Variants in IL13RA1 observed in about 807,000 individuals in gnomAD.
IL13RA1 encodes the protein interleukin 13 receptor subunit alpha 1.
In IL13RA1, 14 loss-of-function variants were observed where a neutral mutation model predicts 33.8. The observed-to-expected ratio is 0.41, with a 90% confidence interval of 0.27 to 0.65. IL13RA1 has a LOEUF of 0.65. Ranked by LOEUF, IL13RA1 falls within the 30% of genes least tolerant of loss-of-function variation. IL13RA1 has a pLI of 0.28. For missense variants in IL13RA1, 313 were observed against 327.0 expected (o/e 0.96, Z 0.33); for synonymous variants, 116 against 115.7 (o/e 1.00, Z -0.02).
chrX:118,727,663 G>C lies in IL13RA1; in HGVS notation c.25G>C (p.Gly9Arg). Reference protein sequence around the residue: MEWPARLCGLWALLLCAGG... With the variant: MEWPARLCRLWALLLCAGG... Reference sequence around the variant, plus strand: ...CATGGAGTGGCCGGCGCGGCTCTGCGGGCTGTGGGCGCTGCTGCTCTGCGC... The same window carrying C: ...CATGGAGTGGCCGGCGCGGCTCTGCCGGCTGTGGGCGCTGCTGCTCTGCGC... Residue 9 changes from glycine (G) to arginine (R), a missense_variant, in exon 1 of 11, where the codon GGG becomes CGG. Transcript: ENST00000371666. The C allele has an allele frequency of 1.1e-6, 1 of 921,253 alleles. No homozygotes were observed. The allele number at this position is 921,253 out of a possible 1,213,427, so 75.9% of individuals were successfully genotyped here.
At chrX:118,751,441 G>C (rs1359805880) in intron 4 of IL13RA1, among the ~76,000 whole-genome samples, 2 of 111,828 alleles carry the variant, frequency 1.8e-5, no homozygotes, top group South Asian at 3.7e-4. Flanking sequence ...AATTAAGTAA[G>C]ACAGTGTATG....
At chrX:118,769,355 G>T (rs1193321263) in intron 8 of IL13RA1, among the ~76,000 whole-genome samples, 2 of 112,558 alleles carry the variant, frequency 1.8e-5, no homozygotes, top group Non-Finnish European at 3.8e-5. Context: ...ATTGGACAGT[G>T]GAACTGGAAT....
At chrX:118,804,528 C>T in the IL13RA1 span, among the ~76,000 whole-genome samples, 3 of 110,941 alleles carry the variant, frequency 2.7e-5, no homozygotes, top group East Asian at 5.7e-4. Context: ...ATGATAAGGA[C>T]CAATATAAAC....
chrX:118,759,432 G>A (rs1236593101), intron 5 of IL13RA1, among the ~76,000 whole-genome samples: 2 of 112,167 alleles, frequency 1.8e-5, no homozygotes. Context: ...TCAGATTCTG[G>A]CTTAGATAGT....
At chrX:118,766,647 ATGAGC>A (rs2017652427) in intron 7 of IL13RA1, 70 bp downstream of exon 7, 7 of 652,691 alleles carry the variant, frequency 1.1e-5, no homozygotes, top group Non-Finnish European at 1.7e-5. Context: ...TAGCCTAAAT[ATGAGC>A]TGCTTTGAGA....
chrX:118,735,302 C>A (rs1004944316), intron 1 of IL13RA1, among the ~76,000 whole-genome samples: 8 of 110,388 alleles, frequency 7.2e-5, no homozygotes, highest in Non-Finnish European at 1.1e-4. Flanking sequence ...TTTCTATTCC[C>A]TTTTTCTTTT....
intron 6 of IL13RA1, among the ~76,000 whole-genome samples, chrX:118,764,600 A>G (rs952245367): frequency 2.7e-5 from 3 of 111,561 alleles, no homozygotes; most frequent in Non-Finnish European, 5.6e-5. Context: ...TTGAATGTCA[A>G]AAATAATATC....
chrX:118,747,486 G>A (rs181005000), intron 3 of IL13RA1, among the ~76,000 whole-genome samples: 1 of 110,968 alleles, frequency 9.0e-6, no homozygotes. Context: ...AAGGAACTGC[G>A]TGACTTGCTG....
intron 3 of IL13RA1, among the ~76,000 whole-genome samples, chrX:118,748,291 A>G (rs2017432435): frequency 9.7e-6 from 1 of 102,683 alleles, no homozygotes; most frequent in African/African-American, 3.6e-5. Flanking sequence ...TTGTAAAATT[A>G]TAAAATTCAG....
intron 3 of IL13RA1, among the ~76,000 whole-genome samples, chrX:118,748,160 C>G (rs983762736): frequency 1.3e-4 from 13 of 100,225 alleles, no homozygotes; most frequent in African/African-American, 4.7e-4. Context: ...ATTATGTTGT[C>G]CCTTGGTTGG....
chrX:118,743,593 G>A (rs911119005), intron 2 of IL13RA1, among the ~76,000 whole-genome samples: 1 of 111,841 alleles, frequency 8.9e-6, no homozygotes, highest in African/African-American at 3.3e-5. Context: ...AAAAGGCCAG[G>A]CATCCAAATA....
In IL13RA1 at chrX:118,749,659, T is replaced by G; in HGVS notation, c.369T>G (p.Gly123=). 1.7e-6 allele frequency: 2 copies of G among 1,208,039 alleles called. No individual in the cohort carries two copies. Among genetic ancestry groups the G allele is most frequent in the Non-Finnish European group, 2.2e-6 (2 of 892,099 alleles). The change falls in exon 4 of 11, where the codon GGT becomes GGG. Residue 123 remains glycine (G), a splice_region_variant and synonymous_variant. Transcript: ENST00000371666. The part of the protein sequence containing the change: ...LVEKCISPPE[G]DPESAVTELQ... ...AAACTCTTGGCCTGGATATTCTAGG[T>G]GATCCTGAGTCTGCTGTGACTGAGC...
At chrX:118,749,627 G>C (rs757533947) in intron 3 of IL13RA1, 31 bp from the exon 4 acceptor site, 29 of 1,192,745 alleles carry the variant, frequency 2.4e-5, no homozygotes, top group Non-Finnish European at 2.3e-6. Context: ...AAGGAAAGAA[G>C]GGTCTTAAAC....
At chrX:118,788,839 A>G (rs999359704) in intron 10 of IL13RA1, among the ~76,000 whole-genome samples, 1 of 111,909 alleles carries the variant, frequency 8.9e-6, no homozygotes, top group Admixed American at 9.5e-5. Context: ...GGGAGGGTAT[A>G]TGTATTTTAA....
In IL13RA1 at chrX:118,746,096, T is replaced by C. The variant is rs944959789; in HGVS notation, c.229-858T>C. On this transcript the variant is annotated intron_variant, in intron 2 of 10. Transcript: ENST00000371666. ...TCTCTCTTCAGCCCTCAGGCCCTCC[T>C]CCTTTACTTCCTTACCCAGAAGTAA... 5.5e-5 allele frequency among the ~76,000 whole-genome samples: 6 copies of C among 109,182 alleles called. No homozygotes were observed. The Admixed American group carries it at 6.0e-4, about 11-fold the overall frequency. 94.8% of individuals were successfully genotyped at this position (109,182 alleles called of 115,157 possible).
intron 3 of IL13RA1, 110 bp from the exon 4 acceptor site, chrX:118,749,548 T>C: frequency 1.3e-6 from 1 of 764,974 alleles, no homozygotes; most frequent in Non-Finnish European, 2.0e-6. Flanking sequence ...AGCATTTGCT[T>C]TCTGACAAAG....
intron 6 of IL13RA1, among the ~76,000 whole-genome samples, chrX:118,765,178 A>G (rs2017633351): frequency 9.1e-6 from 1 of 110,315 alleles, no homozygotes; most frequent in Non-Finnish European, 1.9e-5. Flanking sequence ...GCTCACTGCA[A>G]CCTCCACCTC....
intron 6 of IL13RA1, among the ~76,000 whole-genome samples, chrX:118,764,572 A>G (rs1238529392): frequency 1.8e-5 from 2 of 110,797 alleles, no homozygotes; most frequent in Non-Finnish European, 3.8e-5. Flanking sequence ...GCTGGTAGGA[A>G]CTATTTAGTG....
intron 10 of IL13RA1, among the ~76,000 whole-genome samples, chrX:118,783,686 G>A (rs761454736): frequency 9.1e-6 from 1 of 109,509 alleles, no homozygotes; most frequent in South Asian, 3.9e-4. Context: ...TCTAATGACC[G>A]GAAACAAAAG....
Sources: gnomAD v4.1 joint callset for allele counts (sites outside exome capture counted in the v4.1 genomes callset) on GRCh38, gnomAD v4.1.1 for gene constraint, MANE v1.5 for transcripts, NCBI Gene and HGNC (gene_info 2026-07-23, HGNC 2026-07-21) for gene names.